SORL1: variants seen among roughly 807,000 people sequenced by gnomAD.
The protein encoded by SORL1 is sortilin-related receptor.
SORL1 carries 127 observed loss-of-function variants against 273.7 expected under a neutral mutation model. The ratio of observed to expected loss-of-function variants is 0.46; its 90% CI spans 0.40 to 0.54. The LOEUF (loss-of-function observed/expected upper bound fraction) is 0.54, where lower values mean the gene tolerates loss of function less well. SORL1 is among the 20% of genes least tolerant of loss of function. SORL1 has a pLI of 0.00. For missense variants in SORL1, 2,494 were observed against 2,846.1 expected (o/e 0.88, Z 2.81); for synonymous variants, 1,031 against 1,067.4 (o/e 0.97, Z 0.66).
At chr11:121,593,668 ATGATGACGCAGTGGCCAAGGACACTG>A (rs563329758) in intron 31 of SORL1, among the ~76,000 whole-genome samples, 6 of 151,950 alleles carry the variant, frequency 3.9e-5, no homozygotes, top group Non-Finnish European at 8.8e-5. Flanking sequence ...TCAGGTGAAT[ATGATGACGCAGTGGCCAAGGACACTG>A]TGATGACAGC....
chr11:121,490,872 G>A (rs1375758363), intron 5 of SORL1, among the ~76,000 whole-genome samples: 1 of 152,138 alleles, frequency 6.6e-6, no homozygotes, highest in Non-Finnish European at 1.5e-5. Flanking sequence ...TTAAGGAGAG[G>A]TAAGGAAAGA....
intron 23 of SORL1, among the ~76,000 whole-genome samples, chr11:121,573,801 A>G (rs950508311): frequency 6.6e-6 from 1 of 152,220 alleles, no homozygotes; most frequent in African/African-American, 2.4e-5. Context: ...TTCCTACTGT[A>G]GAATTCTACC....
At chr11:121,468,705 G>C (rs1043048874) in intron 1 of SORL1, among the ~76,000 whole-genome samples, 1 of 152,132 alleles carries the variant, frequency 6.6e-6, no homozygotes, top group South Asian at 2.1e-4. Flanking sequence ...ACAGTCGTGG[G>C]CCACCGAGCC....
At chr11:121,628,328 G>A (rs1379288054) in intron 47 of SORL1, among the ~76,000 whole-genome samples, 1 of 152,084 alleles carries the variant, frequency 6.6e-6, no homozygotes, top group Non-Finnish European at 1.5e-5. Flanking sequence ...GGAAGGGTTG[G>A]GGGATGATTT....
intron 27 of SORL1, among the ~76,000 whole-genome samples, chr11:121,587,646 C>A (rs770519812): frequency 1.3e-5 from 2 of 152,162 alleles, no homozygotes; most frequent in East Asian, 1.9e-4. Flanking sequence ...TGCCTACCCC[C>A]GTATTAGAGA....
chr11:121,576,264 T>C (rs1862929222), intron 24 of SORL1, among the ~76,000 whole-genome samples: 1 of 152,258 alleles, frequency 6.6e-6, no homozygotes, highest in South Asian at 2.1e-4. Context: ...TATTGTCTAG[T>C]GAGGGCCTGT....
At position 121,550,679 on chromosome 11, in the gene SORL1, G is replaced by A. The variant is rs752232383; in HGVS notation, c.2266+9G>A. On this transcript the variant is annotated intron_variant, in intron 16 of 47. Coordinates refer to ENST00000260197, the MANE Select transcript of SORL1 (RefSeq NM_003105.6). The surrounding 1 kb of genome is among the most constrained non-coding windows in gnomAD (Gnocchi z 5.3). The stretch of plus-strand genomic sequence containing the variant: ...CCCCTGTCCCCTGGCAGGTAAGAGA[G>A]GTGGTTTCTTCCCTTTCATTTCTTG... The A allele has an allele frequency of 5.0e-6, 8 of 1,608,040 alleles. No individual in the cohort carries two copies. The South Asian group carries it at 8.8e-5, about 18-fold the overall frequency.
chr11:121,630,401 A>T lies in SORL1; in HGVS notation c.*838A>T, dbSNP rs1863858372. On this transcript the variant is annotated 3_prime_UTR_variant, in exon 48 of 48. Coordinates refer to ENST00000260197, the MANE Select transcript of SORL1 (RefSeq NM_003105.6). ...TTTATTACACACTGGTTTCATTGTC[A>T]TTGCAAAAACTTACCCTGGTTGTGG... The T allele has an allele frequency of 6.6e-6, 1 of 152,228 alleles. No homozygotes were observed. Among genetic ancestry groups the T allele is most frequent in the Non-Finnish European group, 1.5e-5 (1 of 68,044 alleles). 9.4% of individuals were successfully genotyped at this position (152,228 alleles called of 1,614,324 possible). A position where few individuals can be genotyped will look rare whatever the true frequency, so the allele number is the denominator to read the frequency against.
rs759177110 is a variant in SORL1 at position 121,586,229 on chromosome 11, G to C, written c.3714G>C (p.Lys1238Asn). ...TGTTGAATTCTATTTCAGAGAAGAA[G>C]TGCAATGGATTCCGCTGCCCAAACG... is the stretch of plus-strand genomic sequence containing the variant. ...SDEDPVNCEK[K>N]CNGFRCPNGT... Residue 1238 changes from lysine (K) to asparagine (N), a missense_variant, in exon 27 of 48, where the codon AAG becomes AAC. Physicochemically the swap from Lys to Asn is moderately conservative, Grantham distance 94. This residue lies in a region of SORL1 where 1,609 missense variants were observed against 1,816.4 expected (regional missense o/e 0.89). Coordinates refer to ENST00000260197, the MANE Select transcript of SORL1 (RefSeq NM_003105.6). 2.5e-6 allele frequency: 4 copies of C among 1,611,926 alleles called. No homozygotes were observed. In the South Asian group the frequency reaches 4.4e-5, roughly 18 times the overall value.
chr11:121,577,241 G>C (rs760999343), intron 24 of SORL1, 40 bp from the exon 25 acceptor site: 1 of 1,547,806 alleles, frequency 6.5e-7, no homozygotes, highest in Non-Finnish European at 8.7e-7. Context: ...TTCTGAACAA[G>C]CTTTTGTCCT....
In SORL1 at chr11:121,627,457, A is replaced by G. The variant is rs946621883; in HGVS notation, c.6365-98A>G. 3.2e-6 allele frequency: 3 copies of G among 928,906 alleles called. No homozygotes were observed. The African/African-American group carries it at 4.9e-5, about 15-fold the overall frequency. 57.5% of individuals were successfully genotyped at this position (928,906 alleles called of 1,614,324 possible). ...ACAGGCAGTTTGTGTAGCTGTGGCT[A>G]TCGCCCAGCTTTTTTTGGTGGGTGG... is the stretch of plus-strand genomic sequence containing the variant. On this transcript the variant is annotated intron_variant, in intron 46 of 47. Coordinates refer to ENST00000260197, the MANE Select transcript of SORL1 (RefSeq NM_003105.6). This position sits in a 1 kb window ranked among gnomAD's most constrained non-coding sequence, Gnocchi z 4.9.
chr11:121,611,154 T>A lies in SORL1; in HGVS notation c.5318T>A (p.Ile1773Asn). The A allele has an allele frequency of 6.2e-7, 1 of 1,605,708 alleles. No individual in the cohort carries two copies. Among genetic ancestry groups the A allele is most frequent in the Non-Finnish European group, 8.5e-7 (1 of 1,172,470 alleles). Residue 1773 changes from isoleucine to asparagine, a missense_variant, in exon 39 of 48, where the codon ATC becomes AAC. Ile to Asn is a moderately radical substitution (Grantham distance 149). Transcript: ENST00000260197. ...LSFTLTMESDIKVNGYVVNLF... is the reference protein window; with the variant it reads ...LSFTLTMESDNKVNGYVVNLF... ...TTCACCCTGACCATGGAGAGTGATA[T>A]CAAGGTAATGTGGGAATTTCAAGCC...
intron 6 of SORL1, among the ~76,000 whole-genome samples, chr11:121,509,428 A>AG (rs1861839727): frequency 1.3e-5 from 2 of 152,172 alleles, no homozygotes; most frequent in African/African-American, 4.8e-5. Flanking sequence ...AATCTCAAAT[A>AG]TAAATGGAAA....
chr11:121,497,235 G>A (rs1861646197), intron 6 of SORL1, among the ~76,000 whole-genome samples, 186 bp downstream of exon 6: 1 of 152,182 alleles, frequency 6.6e-6, no homozygotes, highest in Non-Finnish European at 1.5e-5. Flanking sequence ...CAGGTGCTAG[G>A]AAGTCAGAGG....
chr11:121,459,696 C>G (rs562665365), intron 1 of SORL1, among the ~76,000 whole-genome samples: 1 of 152,360 alleles, frequency 6.6e-6, no homozygotes, highest in East Asian at 1.9e-4. Context: ...CCTGCACGTT[C>G]TGTTTAGCAA....
chr11:121,504,862 C>G (rs1217017180), intron 6 of SORL1, among the ~76,000 whole-genome samples: 1 of 151,940 alleles, frequency 6.6e-6, no homozygotes, highest in Admixed American at 6.6e-5. Context: ...GAGGAAGGTT[C>G]CCTTCTATTC....
At chr11:121,487,978 T>G (rs1410869963) in intron 3 of SORL1, 54 bp from the exon 4 acceptor site, 1 of 1,591,938 alleles carries the variant, frequency 6.3e-7, no homozygotes, top group Non-Finnish European at 8.6e-7. Flanking sequence ...TTTAGGGGAG[T>G]GTTGGGCAGC....
At position 121,589,366 on chromosome 11, in the gene SORL1, G is replaced by A. The variant is rs1863173840; in HGVS notation, c.4054G>A (p.Asp1352Asn). Residue 1352 changes from aspartate to asparagine, a missense_variant, in exon 29 of 48, where the codon GAT (aspartate) becomes AAT (asparagine). Physicochemically the swap from Asp to Asn is conservative, Grantham distance 23. Coordinates refer to ENST00000260197, the MANE Select transcript of SORL1 (RefSeq NM_003105.6). The part of the protein sequence containing the change: ...WKCDGMDDCG[D>N]YSDEANCENP... Reference sequence around the variant, plus strand: ...GTGCGACGGGATGGATGATTGCGGCGATTATTCTGATGAAGCCAACTGCGG... The same window carrying A: ...GTGCGACGGGATGGATGATTGCGGCAATTATTCTGATGAAGCCAACTGCGG... The A allele has an allele frequency of 1.2e-6, 2 of 1,613,522 alleles. No individual in the cohort carries two copies. The highest frequency in any genetic ancestry group is 1.7e-6 in the Non-Finnish European group (2 of 1,179,436).
At position 121,618,913 on chromosome 11, in the gene SORL1, T is replaced by G; in HGVS notation, c.5724+20T>G. 6.2e-7 allele frequency: 1 copy of G among 1,613,884 alleles called. No homozygotes were observed. The highest frequency in any genetic ancestry group is 1.1e-5 in the South Asian group (1 of 91,068). ...TTTCTGGTAAGTTTCCCATACCGTT[T>G]CAGTTTTTTAAGGGATGTCTTAAGT... On this transcript the variant is annotated intron_variant, in intron 42 of 47. Coordinates refer to ENST00000260197, the MANE Select transcript of SORL1 (RefSeq NM_003105.6).
Sources: allele counts gnomAD v4.1 joint callset (sites outside exome capture counted in the v4.1 genomes callset), GRCh38; gene constraint gnomAD v4.1.1; regional missense constraint gnomAD v4.1.1; non-coding constraint Gnocchi (gnomAD v3.1); transcripts MANE v1.5; gene names NCBI Gene and HGNC (gene_info 2026-07-23, HGNC 2026-07-21).